The following USP43 variants were observed in gnomAD, a reference collection of about 807,000 sequenced individuals.
USP43 encodes ubiquitin specific peptidase 43, also known as ubiquitin carboxyl-terminal hydrolase 43.
Under a neutral mutation model 90.7 loss-of-function variants are expected in USP43, and 33 were observed. The observed-to-expected ratio is 0.36, with a 90% CI of 0.28 to 0.49. The LOEUF is 0.49. Ranked by LOEUF, USP43 falls within the 20% of genes least tolerant of loss-of-function variation. The pLI is 0.98. For synonymous variants in USP43, 598 were observed against 615.8 expected, an observed-to-expected ratio of 0.97 and a Z score of 0.43; for missense variants, 1,274 against 1,476.4, an observed-to-expected ratio of 0.86 and a Z score of 2.25.
intron 1 of USP43, 35 bp downstream of exon 1, chr17:9,646,171 C>A: frequency 1.4e-6 from 2 of 1,391,292 alleles, no homozygotes. Context: ...GCCCTGTCCC[C>A]CTGGTTTCGC....
intron 5 of USP43, among the ~76,000 whole-genome samples, chr17:9,677,432 G>A (rs1913857724): frequency 6.6e-6 from 1 of 152,352 alleles, no homozygotes; most frequent in East Asian, 1.9e-4. Flanking sequence ...AAATGAAGCA[G>A]GAGGACCTGC....
At chr17:9,663,408 C>T (rs1912782249) in intron 2 of USP43, among the ~76,000 whole-genome samples, 1 of 151,892 alleles carries the variant, frequency 6.6e-6, no homozygotes, top group African/African-American at 2.4e-5. Flanking sequence ...AGCGATTCTC[C>T]TGTCTCAGCC....
At chr17:9,675,925 G>C (rs1335228470) in intron 4 of USP43, among the ~76,000 whole-genome samples, 1 of 152,184 alleles carries the variant, frequency 6.6e-6, no homozygotes, top group South Asian at 2.1e-4. Flanking sequence ...TCTGGAGCCA[G>C]ACGGCCCAGG....
At chr17:9,716,305 A>G (rs1447428457) in intron 14 of USP43, among the ~76,000 whole-genome samples, 1 of 152,154 alleles carries the variant, frequency 6.6e-6, no homozygotes, top group Non-Finnish European at 1.5e-5. Flanking sequence ...ATATATAAGT[A>G]TATGTAAGTA....
intron 1 of USP43, among the ~76,000 whole-genome samples, chr17:9,648,715 G>A (rs1224246044): frequency 6.6e-6 from 1 of 152,104 alleles, no homozygotes; most frequent in Non-Finnish European, 1.5e-5. Context: ...CAGGGAAGGA[G>A]GTGGGGCCGA....
chr17:9,688,743 G>C (rs536008857), intron 8 of USP43, among the ~76,000 whole-genome samples: 2 of 152,114 alleles, frequency 1.3e-5, no homozygotes, highest in East Asian at 3.9e-4. Context: ...CTGGAGTGCC[G>C]TGGTGCGGTA....
rs763063057 is a variant in USP43, at chr17:9,715,568, CTGTG to C, written c.2335+3444_2335+3447del. Among the ~76,000 whole-genome samples, 65 of 143,980 alleles carry C rather than the reference CTGTG, an allele frequency of 4.5e-4. No homozygotes were observed. The Middle Eastern group carries it at 0.012, about 26-fold the overall frequency. 94.5% of individuals were successfully genotyped at this position (143,980 alleles called of 152,430 possible). On this transcript the variant is annotated intron_variant, in intron 14 of 14. Transcript: ENST00000285199. ...TCTGTGTCTTTGTGTGTGTGTGTCT[CTGTG>C]TGTGTGTCTGTGTGTTTGTGTCTTT...
chr17:9,675,818 A>G (rs905017705), intron 4 of USP43, among the ~76,000 whole-genome samples: 2 of 152,202 alleles, frequency 1.3e-5, no homozygotes, highest in African/African-American at 4.8e-5. Context: ...TATGCTGTCT[A>G]TCATCAGTGA....
At chr17:9,692,551 A>T (rs1915020961) in intron 8 of USP43, among the ~76,000 whole-genome samples, 1 of 152,190 alleles carries the variant, frequency 6.6e-6, no homozygotes, top group African/African-American at 2.4e-5. Context: ...CATTCCATTG[A>T]ATTTTTAAGA....
At chr17:9,645,489 C>T, upstream of USP43, 1 of 826,786 alleles carries the variant, frequency 1.2e-6, no homozygotes, top group Non-Finnish European at 1.5e-6. The surrounding 1 kb of genome is among the most constrained non-coding windows in gnomAD (Gnocchi z 6.8). Flanking sequence ...CTGCCCCGCC[C>T]TTGGCTCCGC....
chr17:9,654,517 G>A (rs1193513638), intron 1 of USP43, among the ~76,000 whole-genome samples: 2 of 151,942 alleles, frequency 1.3e-5, no homozygotes, highest in African/African-American at 4.8e-5. Context: ...GGGTGTGGTG[G>A]CAGGTGCCTG....
chr17:9,680,404 A>G (rs781734733), intron 6 of USP43, 38 bp downstream of exon 6: 2 of 1,610,170 alleles, frequency 1.2e-6, no homozygotes, highest in Non-Finnish European at 1.7e-6. Flanking sequence ...TTTGGCTATG[A>G]TGAGTTACAG....
At chr17:9,678,269 A>G (rs1022292567) in intron 5 of USP43, among the ~76,000 whole-genome samples, 1 of 152,190 alleles carries the variant, frequency 6.6e-6, no homozygotes. Context: ...AAAGTCATCT[A>G]TTTTGATGCT....
chr17:9,689,351 C>T (rs1430654671), intron 8 of USP43, among the ~76,000 whole-genome samples: 1 of 151,716 alleles, frequency 6.6e-6, no homozygotes, highest in Non-Finnish European at 1.5e-5. Context: ...CAAAAATGAC[C>T]AGTTTACTGG....
intron 6 of USP43, among the ~76,000 whole-genome samples, chr17:9,681,695 T>C (rs543113692): frequency 4.3e-4 from 65 of 151,314 alleles, no homozygotes; most frequent in African/African-American, 1.5e-3. Context: ...GGTTTCACCA[T>C]GTTGGCCAGG....
intron 8 of USP43, 150 bp from the exon 9 acceptor site, chr17:9,692,976 TC>T (rs1915046218): frequency 1.5e-6 from 1 of 678,242 alleles, no homozygotes; most frequent in Admixed American, 2.9e-5. Context: ...AGTTTTTGTC[TC>T]TTAATTTTGA....
intron 6 of USP43, among the ~76,000 whole-genome samples, chr17:9,682,499 G>C (rs1846639419): frequency 6.6e-6 from 1 of 152,218 alleles, no homozygotes; most frequent in Admixed American, 6.5e-5. Flanking sequence ...GAACCTGGAA[G>C]GTAGAGTTTG....
chr17:9,656,538 G>A lies in USP43; in HGVS notation c.636+4G>A, dbSNP rs779738341. The stretch of plus-strand genomic sequence containing the variant: ...CCGAGGGCCGGTGTCGGAGAAGGTC[G>A]GTCACTCTCAAAACAACACAATGTA... On this transcript the variant is annotated splice_donor_region_variant and intron_variant, in intron 2 of 14. Transcript: ENST00000285199. 2.5e-5 allele frequency: 41 copies of A among 1,609,046 alleles called. No homozygotes were observed. The highest frequency in any genetic ancestry group is 1.1e-4 in the East Asian group (5 of 44,796).
Position 9,710,648 on chromosome 17 carries a change from G to A in USP43, c.2170+534G>A, listed in dbSNP as rs539986583. ...GCCTCCCGAGTAGCTGGGAGTACAG[G>A]CACGTGCCACCACCATGCCCAGCTA... On this transcript the variant is annotated intron_variant, in intron 13 of 14. Transcript: ENST00000285199. Among the ~76,000 whole-genome samples the A allele has an allele frequency of 5.3e-5, 8 of 151,874 alleles. No individual in the cohort carries two copies. In the South Asian group the frequency reaches 1.0e-3, roughly 20 times the overall value.
Sources: gnomAD v4.1 joint callset for allele counts (sites outside exome capture counted in the v4.1 genomes callset) on GRCh38, gnomAD v4.1.1 for gene constraint, Gnocchi (gnomAD v3.1) non-coding constraint, MANE v1.5 for transcripts, NCBI Gene and HGNC (gene_info 2026-07-23, HGNC 2026-07-21) for gene names.